The following RABGEF1 variants were observed in gnomAD, a reference collection of about 807,000 sequenced individuals.
RABGEF1 encodes the protein rab5 GDP/GTP exchange factor.
In RABGEF1, 26 loss-of-function variants were observed where a neutral mutation model predicts 57.3. That is an observed-to-expected ratio of 0.45 (90% confidence interval 0.33 to 0.63). The LOEUF (loss-of-function observed/expected upper bound fraction) is 0.63. Ranked by LOEUF, RABGEF1 falls within the 20% of genes least tolerant of loss-of-function variation. RABGEF1 has a pLI of 0.02. For synonymous variants in RABGEF1, 185 were observed against 210.7 expected (o/e 0.88, Z 1.06); for missense variants, 464 against 607.6 (o/e 0.76, Z 2.48).
rs760150405 is a variant in RABGEF1 at position 66,720,308 on chromosome 7, G to A, written c.-815+8084G>A. The stretch of plus-strand genomic sequence containing the variant: ...TGCCTCCCAGGCTCAAGAAATTCTC[G>A]TGCCTCAGCCACCCCAGTAGCTAGG... On this transcript the variant is annotated intron_variant and NMD_transcript_variant, in intron 2 of 9. Transcript: ENST00000607882. Among the ~76,000 whole-genome samples, 9 of 149,460 alleles carry A rather than the reference G, an allele frequency of 6.0e-5. No individual in the cohort carries two copies. In the East Asian group the frequency reaches 7.9e-4, roughly 13 times the overall value.
chr7:66,737,071 A>AGT (rs1276065989), upstream of RABGEF1, among the ~76,000 whole-genome samples: 1 of 120,590 alleles, frequency 8.3e-6, no homozygotes, highest in East Asian at 3.3e-4. Flanking sequence ...AGAGAGAGAG[A>AGT]GTGAGAGAGA....
chr7:66,676,469 T>G, the RABGEF1 span, among the ~76,000 whole-genome samples: 1 of 152,274 alleles, frequency 6.6e-6, no homozygotes, highest in Admixed American at 6.5e-5. Flanking sequence ...GGTTTCACAT[T>G]GGGCAAATAA....
intron 4 of RABGEF1, among the ~76,000 whole-genome samples, chr7:66,786,389 TCTTTC>T (rs1264296314): frequency 1.3e-5 from 2 of 152,176 alleles, no homozygotes; most frequent in Admixed American, 6.5e-5. Context: ...CACTTCTCTT[TCTTTC>T]CTTTCCTTTC....
intron 1 of RABGEF1, among the ~76,000 whole-genome samples, chr7:66,744,064 G>T (rs528911363): frequency 4.7e-5 from 7 of 147,670 alleles, no homozygotes; most frequent in Admixed American, 4.1e-4. Context: ...TTAAGACGGA[G>T]TCTTGATCTG....
chr7:66,676,800 T>C, the RABGEF1 span, among the ~76,000 whole-genome samples: 1 of 152,180 alleles, frequency 6.6e-6, no homozygotes, highest in Non-Finnish European at 1.5e-5. Context: ...CCCAGGCTGG[T>C]TTCAAACTCC....
At chr7:66,797,012 A>C (rs1786106621) in intron 5 of RABGEF1, 1 of 374,554 alleles carries the variant, frequency 2.7e-6, no homozygotes, top group Non-Finnish European at 5.1e-6. Context: ...ATGAAAATAT[A>C]CTCTTGGCCG....
intron 1 of RABGEF1, among the ~76,000 whole-genome samples, chr7:66,698,684 C>G (rs1792733650): frequency 6.6e-6 from 1 of 152,168 alleles, no homozygotes; most frequent in South Asian, 2.1e-4. Flanking sequence ...TGTCCCCCTC[C>G]TCCAGGGCTC....
intron 6 of RABGEF1, 34 bp downstream of exon 6, chr7:66,797,540 T>C (rs1786277190): frequency 1.3e-6 from 2 of 1,594,266 alleles, no homozygotes; most frequent in South Asian, 2.3e-5. Context: ...TTGTAGTTAC[T>C]ACCTTCTAAT....
At chr7:66,793,940 C>T (rs1336401763) in intron 4 of RABGEF1, among the ~76,000 whole-genome samples, 2 of 152,136 alleles carry the variant, frequency 1.3e-5, no homozygotes, top group Non-Finnish European at 1.5e-5. Flanking sequence ...TGTTCTCGGC[C>T]TTATTCATGT....
rs1788182669 is a variant in RABGEF1, at chr7:66,805,290, T to C, written c.971T>C (p.Leu324Ser). 6.2e-7 allele frequency: 1 copy of C among 1,614,180 alleles called. No individual in the cohort carries two copies. The change falls in exon 8 of 9, where the codon TTG (leucine) becomes TCG (serine). Residue 324 changes from leucine to serine, a missense_variant. Around this residue, in one of 4 missense-constraint regions of RABGEF1, gnomAD observed 284 missense variants for 389.9 expected, o/e 0.73. Coordinates refer to ENST00000284957, the MANE Select transcript of RABGEF1 (RefSeq NM_014504.3). The part of the protein sequence containing the change: ...DFLPTLIYIV[L>S]KGNPPRLQSN... ...CTCCCCACCCTCATCTACATTGTTT[T>C]GAAGGGCAACCCCCCACGCCTTCAG... is the stretch of plus-strand genomic sequence containing the variant.
At chr7:66,743,042 G>A (rs1478345892) in intron 1 of RABGEF1, among the ~76,000 whole-genome samples, 2 of 152,164 alleles carry the variant, frequency 1.3e-5, no homozygotes, top group African/African-American at 2.4e-5. Flanking sequence ...AGGCGCGGTG[G>A]CTCACGCCTG....
chr7:66,809,082 A>G lies in RABGEF1; in HGVS notation c.1274A>G (p.Glu425Gly), dbSNP rs1789106892. Reference protein sequence around the residue: ...DLLSQLNERQERIMNEAKKLE... With the variant: ...DLLSQLNERQGRIMNEAKKLE... Reference sequence around the variant, plus strand: ...TTGTCTCAGTTGAATGAACGACAAGAAAGGATCATGAATGAAGCCAAGAAA... The same window carrying G: ...TTGTCTCAGTTGAATGAACGACAAGGAAGGATCATGAATGAAGCCAAGAAA... Residue 425 changes from glutamate to glycine, a missense_variant, in exon 9 of 9, where the codon GAA becomes GGA. Transcript: ENST00000284957. 1 of 1,614,104 alleles carries G rather than the reference A, an allele frequency of 6.2e-7. No individual in the cohort carries two copies. Among genetic ancestry groups the G allele is most frequent in the South Asian group, 1.1e-5 (1 of 91,084 alleles).
At chr7:66,661,435 C>A in the RABGEF1 span, among the ~76,000 whole-genome samples, 442 of 151,746 alleles carry the variant, frequency 2.9e-3, 17 homozygotes, top group East Asian at 0.076. Context: ...AAACACAAAG[C>A]CTACCAAGAC....
At chr7:66,752,026 A>G (rs941464344) in intron 1 of RABGEF1, among the ~76,000 whole-genome samples, 4 of 151,876 alleles carry the variant, frequency 2.6e-5, no homozygotes, top group African/African-American at 9.7e-5. Context: ...GACCCCATCT[A>G]TATAAACAAA....
upstream of RABGEF1, among the ~76,000 whole-genome samples, chr7:66,679,969 G>C (rs1789580437): frequency 6.6e-6 from 1 of 152,166 alleles, no homozygotes; most frequent in Non-Finnish European, 1.5e-5. Context: ...TTTAGCCAGG[G>C]AGTTGGAGGC....
intron 8 of RABGEF1, among the ~76,000 whole-genome samples, chr7:66,808,592 A>C (rs1034276279): frequency 2.2e-4 from 33 of 152,132 alleles, no homozygotes; most frequent in African/African-American, 7.5e-4. Context: ...CTACTTGGGG[A>C]CTATATCCTG....
chr7:66,807,221 T>C (rs1484743159), intron 8 of RABGEF1, among the ~76,000 whole-genome samples: 2 of 152,226 alleles, frequency 1.3e-5, no homozygotes, highest in African/African-American at 2.4e-5. Context: ...CTCTTTGTCC[T>C]CTTCTTGCCT....
chr7:66,742,054 G>A (rs1457716899), intron 1 of RABGEF1, among the ~76,000 whole-genome samples: 1 of 152,074 alleles, frequency 6.6e-6, no homozygotes, highest in African/African-American at 2.4e-5. Flanking sequence ...TGGAGGCTGA[G>A]GCAGGAGAAT....
intron 1 of RABGEF1, among the ~76,000 whole-genome samples, chr7:66,753,748 C>T (rs1456985823): frequency 2.2e-5 from 3 of 134,758 alleles, no homozygotes; most frequent in Non-Finnish European, 4.6e-5. Flanking sequence ...ACACTGTCAC[C>T]TGGGCTGGTG....
Sources: allele counts gnomAD v4.1 joint callset (sites outside exome capture counted in the v4.1 genomes callset), GRCh38; gene constraint gnomAD v4.1.1; regional missense constraint gnomAD v4.1.1; transcripts MANE v1.5; gene names NCBI Gene and HGNC (gene_info 2026-07-23, HGNC 2026-07-21).